The following CTNNA3 variants were observed in gnomAD, a reference collection of about 807,000 sequenced individuals.
CTNNA3 encodes the protein catenin alpha 3, also known as catenin alpha-3.
CTNNA3 carries 76 observed loss-of-function variants against 95.7 expected under a neutral mutation model. The observed-to-expected ratio is 0.79, with a 90% CI of 0.66 to 0.96. CTNNA3 has a LOEUF of 0.96. CTNNA3 is among the 40% of genes least tolerant of loss of function. CTNNA3 has a pLI of 0.00. For missense variants in CTNNA3, 1,191 were observed against 1,089.8 expected (o/e 1.09, Z -1.31); for synonymous variants, 431 against 374.4 (o/e 1.15, Z -1.74).
intron 1 of CTNNA3, among the ~76,000 whole-genome samples, chr10:67,749,053 C>T (rs1589588665): frequency 6.6e-6 from 1 of 152,084 alleles, no homozygotes; most frequent in Non-Finnish European, 1.5e-5. Context: ...TCAAAAAAGA[C>T]AAGGGCAGTA....
intron 7 of CTNNA3, among the ~76,000 whole-genome samples, chr10:66,795,569 T>G (rs914880081): frequency 2.6e-5 from 4 of 152,072 alleles, no homozygotes; most frequent in African/African-American, 9.7e-5. Flanking sequence ...TTTGGAATGG[T>G]AAACGAGCAC....
At chr10:67,556,182 C>T (rs1290940601) in intron 3 of CTNNA3, among the ~76,000 whole-genome samples, 4 of 152,106 alleles carry the variant, frequency 2.6e-5, no homozygotes, top group African/African-American at 7.2e-5. Flanking sequence ...ATTTGTGCAT[C>T]GATGTTCATC....
intron 7 of CTNNA3, among the ~76,000 whole-genome samples, chr10:66,783,587 G>A (rs536007183): frequency 1.3e-5 from 2 of 152,142 alleles, no homozygotes; most frequent in South Asian, 2.1e-4. Flanking sequence ...CTGTACGAAC[G>A]TGGAGAAATG....
chr10:66,430,242 G>T (rs781122475), intron 11 of CTNNA3, among the ~76,000 whole-genome samples: 2 of 151,800 alleles, frequency 1.3e-5, no homozygotes, highest in Non-Finnish European at 1.5e-5. Context: ...CACTGCTCAA[G>T]GAAATAAAGG....
chr10:66,937,778 G>A (rs1403450502), intron 7 of CTNNA3, among the ~76,000 whole-genome samples: 1 of 152,100 alleles, frequency 6.6e-6, no homozygotes, highest in Non-Finnish European at 1.5e-5. Context: ...TCCTTTGTGA[G>A]AAATGCCCTT....
chr10:66,057,379 G>A (rs141067894), intron 15 of CTNNA3, among the ~76,000 whole-genome samples: 61 of 152,252 alleles, frequency 4.0e-4, no homozygotes, highest in African/African-American at 1.4e-3. Flanking sequence ...ATTTACTACA[G>A]AGTTTAGAAA....
At chr10:66,295,406 C>A (rs2091762214) in intron 12 of CTNNA3, among the ~76,000 whole-genome samples, 1 of 152,120 alleles carries the variant, frequency 6.6e-6, no homozygotes, top group Non-Finnish European at 1.5e-5. Context: ...TAGCAGAGAT[C>A]CTATCTACAT....
At chr10:66,872,211 A>T (rs1206990661) in intron 7 of CTNNA3, among the ~76,000 whole-genome samples, 1 of 152,156 alleles carries the variant, frequency 6.6e-6, no homozygotes, top group Non-Finnish European at 1.5e-5. Context: ...TGCATAAATA[A>T]TCTTATTTTA....
chr10:66,875,433 A>C (rs1844580022), intron 7 of CTNNA3, among the ~76,000 whole-genome samples: 2 of 152,042 alleles, frequency 1.3e-5, no homozygotes, highest in African/African-American at 4.8e-5. Context: ...AATAGCAGAA[A>C]ACAGGGAAAA....
chr10:66,001,952 G>A (rs1172875297), intron 15 of CTNNA3, among the ~76,000 whole-genome samples: 1 of 152,182 alleles, frequency 6.6e-6, no homozygotes, highest in Non-Finnish European at 1.5e-5. Flanking sequence ...CTCTCTGTGT[G>A]TAGTTGTTAT....
At chr10:67,218,758 TAA>T (rs1864507065) in intron 6 of CTNNA3, among the ~76,000 whole-genome samples, 1 of 152,226 alleles carries the variant, frequency 6.6e-6, no homozygotes, top group Non-Finnish European at 1.5e-5. Flanking sequence ...GTGGTTCATG[TAA>T]AGTGTATAAA....
At chr10:66,742,287 T>C (rs1178213688) in intron 9 of CTNNA3, among the ~76,000 whole-genome samples, 1 of 152,202 alleles carries the variant, frequency 6.6e-6, no homozygotes, top group Non-Finnish European at 1.5e-5. Context: ...CCAGGCTTAT[T>C]AGGATCAGGA....
intron 9 of CTNNA3, among the ~76,000 whole-genome samples, chr10:66,719,413 T>C (rs1848555357): frequency 6.6e-6 from 1 of 152,214 alleles, no homozygotes; most frequent in Non-Finnish European, 1.5e-5. Context: ...ACATGTGTTC[T>C]ACATTTTAGG....
At chr10:66,863,194 CA>C (rs1258818197) in intron 7 of CTNNA3, among the ~76,000 whole-genome samples, 3 of 151,502 alleles carry the variant, frequency 2.0e-5, no homozygotes, top group Admixed American at 6.6e-5. Flanking sequence ...CACACACACA[CA>C]CACACACACA....
At chr10:66,604,909 C>T (rs1380676042) in intron 10 of CTNNA3, among the ~76,000 whole-genome samples, 1 of 152,092 alleles carries the variant, frequency 6.6e-6, no homozygotes, top group Non-Finnish European at 1.5e-5. Context: ...TGCCTTTTGT[C>T]CTAAAAATGA....
At position 66,609,962 on chromosome 10, in the gene CTNNA3, A is replaced by G. The variant is rs187583527; in HGVS notation, c.1374+11730T>C. 3.3e-4 allele frequency among the ~76,000 whole-genome samples: 51 copies of G among 152,250 alleles called. 1 individual carries two copies. The highest frequency in any genetic ancestry group is 1.1e-3 in the African/African-American group (46 of 41,560). ...ATGTCCTTTGCAGTAACATGGATGG[A>G]GCTGGAGGCCATTATTCTTAGCAAA... is the stretch of plus-strand genomic sequence containing the variant. On this transcript the variant is annotated intron_variant, in intron 10 of 17. Coordinates refer to ENST00000433211, the MANE Select transcript of CTNNA3 (RefSeq NM_013266.4).
intron 9 of CTNNA3, among the ~76,000 whole-genome samples, chr10:66,638,641 A>G (rs1446328797): frequency 6.6e-6 from 1 of 151,896 alleles, no homozygotes; most frequent in Non-Finnish European, 1.5e-5. Flanking sequence ...GGCCCACACC[A>G]TCATCTTCCC....
At chr10:67,614,594 C>A (rs1447206245) in intron 2 of CTNNA3, among the ~76,000 whole-genome samples, 1 of 152,100 alleles carries the variant, frequency 6.6e-6, no homozygotes, top group Non-Finnish European at 1.5e-5. Context: ...AGAGCTCAGG[C>A]AGTAATGCAA....
At chr10:66,121,491 TA>T (rs1312955992) in intron 13 of CTNNA3, among the ~76,000 whole-genome samples, 1 of 151,940 alleles carries the variant, frequency 6.6e-6, no homozygotes, top group African/African-American at 2.4e-5. Flanking sequence ...CACTATCTTA[TA>T]TATACTAGCT....
Sources: gnomAD v4.1 joint callset for allele counts (sites outside exome capture counted in the v4.1 genomes callset) on GRCh38, gnomAD v4.1.1 for gene constraint, MANE v1.5 for transcripts, NCBI Gene and HGNC (gene_info 2026-07-23, HGNC 2026-07-21) for gene names.